The following VCAN variants were observed in gnomAD, a reference collection of about 807,000 sequenced individuals.
The protein encoded by VCAN is versican core protein.
A neutral mutation model predicts 245.5 loss-of-function variants in VCAN; 44 were observed. The ratio of observed to expected loss-of-function variants is 0.18; its 90% CI spans 0.14 to 0.23. VCAN has a LOEUF of 0.23. VCAN is among the 10% of genes least tolerant of loss of function. The probability of loss-of-function intolerance (pLI) is 1.00; values close to 1 mark genes in which losing one functional copy is unlikely to be tolerated. For synonymous variants in VCAN, 1,413 were observed against 1,437.0 expected, an observed-to-expected ratio of 0.98 and a Z score of 0.38; for missense variants, 3,793 against 4,057.9, an observed-to-expected ratio of 0.93 and a Z score of 1.77.
chr5:83,551,477 A>G (rs1293895156), intron 10 of VCAN, among the ~76,000 whole-genome samples: 2 of 152,014 alleles, frequency 1.3e-5, no homozygotes, highest in Non-Finnish European at 2.9e-5. Flanking sequence ...ATGCCACTGC[A>G]CTCCAGCCTG....
intron 5 of VCAN, among the ~76,000 whole-genome samples, chr5:83,494,461 A>G (rs1745094181): frequency 6.6e-6 from 1 of 152,212 alleles, no homozygotes; most frequent in African/African-American, 2.4e-5. Flanking sequence ...ATTAAAAATC[A>G]CCTACTGTGA....
chr5:83,575,597 T>G (rs1748443397), intron 13 of VCAN, among the ~76,000 whole-genome samples: 1 of 152,214 alleles, frequency 6.6e-6, no homozygotes, highest in Non-Finnish European at 1.5e-5. Context: ...GATAATTCTT[T>G]ATTTTGAGAG....
In VCAN at chr5:83,474,960, T is replaced by C. The variant is rs1347901275; in HGVS notation, c.-7+2937T>C. On this transcript the variant is annotated intron_variant, in intron 1 of 14. Coordinates refer to ENST00000265077, the MANE Select transcript of VCAN (RefSeq NM_004385.5). ...TTAAAATTTACTCCAAGCAAACTTT[T>C]TGTCAGAAAAATGAGACTTTATACC... Among the ~76,000 whole-genome samples, 4 of 152,346 alleles carry C rather than the reference T, an allele frequency of 2.6e-5. No individual in the cohort carries two copies. In the East Asian group the frequency reaches 5.8e-4, roughly 22 times the overall value.
Position 83,539,210 on chromosome 5 carries a change from G to A in VCAN, c.6207G>A (p.Thr2069=), listed in dbSNP as rs563628544. The A allele has an allele frequency of 1.1e-5, 18 of 1,613,852 alleles. No individual in the cohort carries two copies. Among genetic ancestry groups the A allele is most frequent in the East Asian group, 1.1e-4 (5 of 44,868 alleles). ...TACCAACAGCAGAAGTGGAAGGTAC[G>A]AAAGCTCCAGTAGAGAAGGAGGAAG... The part of the protein sequence containing the change: ...TILPTAEVEG[T]KAPVEKEEVK... Residue 2069 remains threonine, a synonymous_variant, in exon 8 of 15, where the codon ACG becomes ACA. Coordinates refer to ENST00000265077, the MANE Select transcript of VCAN (RefSeq NM_004385.5).
intron 13 of VCAN, among the ~76,000 whole-genome samples, chr5:83,578,599 G>C (rs1748559891): frequency 2.6e-5 from 4 of 152,060 alleles, no homozygotes; most frequent in Admixed American, 2.6e-4. Flanking sequence ...GTTGTAAACA[G>C]TCCTCTGAAT....
At chr5:83,480,982 G>A (rs565486512) in intron 1 of VCAN, among the ~76,000 whole-genome samples, 16 of 151,774 alleles carry the variant, frequency 1.1e-4, no homozygotes, top group African/African-American at 1.4e-4. Context: ...TGATCACTTC[G>A]GTAAGTACTA....
rs1352671154 is a variant in VCAN, at chr5:83,514,580, C to T, written c.1042+2184C>T. Among the ~76,000 whole-genome samples the T allele has an allele frequency of 2.0e-5, 3 of 151,798 alleles. No homozygotes were observed. In the South Asian group the frequency reaches 6.2e-4, roughly 32 times the overall value. ...ATTCTCCTGCCTTCTCCTGCCTCAG[C>T]CACCCAAGTAGCTGGGTTATAGGCA... On this transcript the variant is annotated intron_variant, in intron 6 of 14. Coordinates refer to ENST00000265077, the MANE Select transcript of VCAN (RefSeq NM_004385.5).
Position 83,538,192 on chromosome 5 carries a change from G to C in VCAN, c.5189G>C (p.Gly1730Ala). 3 of 1,613,918 alleles carry C rather than the reference G, an allele frequency of 1.9e-6. No individual in the cohort carries two copies. The highest frequency in any genetic ancestry group is 2.5e-6 in the Non-Finnish European group (3 of 1,179,980). Residue 1730 changes from glycine to alanine, a missense_variant, in exon 8 of 15, where the codon GGA becomes GCA. Coordinates refer to ENST00000265077, the MANE Select transcript of VCAN (RefSeq NM_004385.5). Reference sequence around the variant, plus strand: ...GAAAAGAAAAGGAAGGAGGAGGAGGGAACTACAGGTACGGCTTCTACATTT... The same window carrying C: ...GAAAAGAAAAGGAAGGAGGAGGAGGCAACTACAGGTACGGCTTCTACATTT... ...VEEKKRKEEEGTTGTASTFEV... is the reference protein window; with the variant it reads ...VEEKKRKEEEATTGTASTFEV...
intron 11 of VCAN, among the ~76,000 whole-genome samples, chr5:83,553,986 T>C (rs1201048064): frequency 6.6e-6 from 1 of 152,240 alleles, no homozygotes; most frequent in East Asian, 1.9e-4. Flanking sequence ...TTGGGCATAT[T>C]GATTCTCATT....
intron 13 of VCAN, among the ~76,000 whole-genome samples, chr5:83,578,685 G>C (rs1748561932): frequency 6.6e-6 from 1 of 152,044 alleles, no homozygotes; most frequent in East Asian, 1.9e-4. Context: ...AAGGTTTCTG[G>C]TAATCATTTT....
At position 83,580,374 on chromosome 5, in the gene VCAN, A is replaced by G; in HGVS notation, c.10131A>G (p.Ser3377=). Residue 3377 remains serine, a synonymous_variant, in exon 15 of 15, where the codon TCA becomes TCG. Coordinates refer to ENST00000265077, the MANE Select transcript of VCAN (RefSeq NM_004385.5). ...FKNSSSAKDN[S]INTSKHDHRW... ...ATTCCTCATCAGCAAAGGACAATTCAATAAATACATCCAAACATGATCATC... is the reference window on the plus strand; with the variant it reads ...ATTCCTCATCAGCAAAGGACAATTCGATAAATACATCCAAACATGATCATC... 1 of 1,614,066 alleles carries G rather than the reference A, an allele frequency of 6.2e-7. No individual in the cohort carries two copies. Among genetic ancestry groups the G allele is most frequent in the Non-Finnish European group, 8.5e-7 (1 of 1,179,958 alleles).
intron 6 of VCAN, among the ~76,000 whole-genome samples, chr5:83,517,422 A>G (rs1745892123): frequency 6.6e-6 from 1 of 152,198 alleles, no homozygotes; most frequent in South Asian, 2.1e-4. Context: ...TAATATGATT[A>G]AATTTTCTCT....
chr5:83,531,379 A>G (rs574400386), intron 7 of VCAN: 3 of 152,098 alleles, frequency 2.0e-5, no homozygotes, highest in Non-Finnish European at 4.4e-5. Flanking sequence ...CTTTGGCCAT[A>G]TGCTTCACAT....
At chr5:83,501,712 A>T (rs766593483) in intron 5 of VCAN, among the ~76,000 whole-genome samples, 2 of 152,144 alleles carry the variant, frequency 1.3e-5, no homozygotes, top group South Asian at 4.1e-4. Flanking sequence ...AATTTTGAAA[A>T]TGGAAAGTGT....
chr5:83,489,996 T>C, intron 2 of VCAN, 102 bp from the exon 3 acceptor site: 8 of 1,248,770 alleles, frequency 6.4e-6, no homozygotes, highest in Middle Eastern at 3.9e-4. Flanking sequence ...ATGTTGAAGA[T>C]GTAACCAAAC....
At chr5:83,496,806 A>C (rs2292013) in intron 5 of VCAN, among the ~76,000 whole-genome samples, 14,312 of 152,244 alleles carry the variant, frequency 0.094, 1,526 homozygotes, top group East Asian at 0.6. Context: ...TCTTAACTGA[A>C]GTATATGTCT....
chr5:83,495,884 A>G (rs1745141046), intron 5 of VCAN, among the ~76,000 whole-genome samples: 1 of 152,166 alleles, frequency 6.6e-6, no homozygotes, highest in Non-Finnish European at 1.5e-5. Context: ...GTACCCATGA[A>G]GCCACCAGCC....
chr5:83,485,407 A>G (rs78006128), intron 2 of VCAN, among the ~76,000 whole-genome samples: 11 of 149,270 alleles, frequency 7.4e-5, no homozygotes, highest in African/African-American at 2.7e-4. Flanking sequence ...TCCATGTCAA[A>G]AAAAAAAAAA....
In VCAN at chr5:83,539,146, T is replaced by G. The variant is rs1746854661; in HGVS notation, c.6143T>G (p.Val2048Gly). The change falls in exon 8 of 15, where the codon GTG (valine) becomes GGG (glycine). Residue 2048 changes from valine (V) to glycine (G), a missense_variant. Transcript: ENST00000265077. ...ATTATCGACGAAGGATTGGGAGAAGTGGGTACTGTCAATGAAATTGATAGA... is the reference window on the plus strand; with the variant it reads ...ATTATCGACGAAGGATTGGGAGAAGGGGGTACTGTCAATGAAATTGATAGA... ...SSIIDEGLGEVGTVNEIDRRS... is the reference protein window; with the variant it reads ...SSIIDEGLGEGGTVNEIDRRS... 1 of 1,613,848 alleles carries G rather than the reference T, an allele frequency of 6.2e-7. No homozygotes were observed.
Sources: allele counts gnomAD v4.1 joint callset (sites outside exome capture counted in the v4.1 genomes callset), GRCh38; gene constraint gnomAD v4.1.1; transcripts MANE v1.5; gene names NCBI Gene and HGNC (gene_info 2026-07-23, HGNC 2026-07-21).